The following PGAM1 variants were observed in gnomAD, a reference collection of about 807,000 sequenced individuals.
The protein encoded by PGAM1 is BPG-dependent PGAM 1.
Under a neutral mutation model 23.5 loss-of-function variants are expected in PGAM1, and 21 were observed. The ratio of observed to expected loss-of-function variants is 0.89; its 90% CI spans 0.63 to 1.29. PGAM1 has a LOEUF of 1.29. PGAM1 is among the 50% of genes most tolerant of loss of function. The pLI, the probability that PGAM1 is intolerant of heterozygous loss-of-function variation, is 0.00. For synonymous variants in PGAM1, 109 were observed against 128.6 expected (o/e 0.85, Z 1.03); for missense variants, 232 against 336.3 (o/e 0.69, Z 2.42).
rs1003255089 is a variant in PGAM1, at chr10:97,426,502, G to C, written c.139+56G>C. 92 of 1,501,254 alleles carry C rather than the reference G, an allele frequency of 6.1e-5. 1 individual carries two copies. The Middle Eastern group carries it at 7.2e-4, about 12-fold the overall frequency. 93.0% of individuals were successfully genotyped at this position (1,501,254 alleles called of 1,614,324 possible). A position where few individuals can be genotyped will look rare whatever the true frequency, so the allele number is the denominator to read the frequency against. On this transcript the variant is annotated intron_variant, in intron 1 of 3. Transcript: ENST00000334828. ...GGCCGGGTGTCCGGCCTCGGAGGCC[G>C]CCTGGCTGGCGTCTGCGCCCTCTCG...
At chr10:97,429,093 T>A (rs374195493) in intron 1 of PGAM1, among the ~76,000 whole-genome samples, 1 of 86,896 alleles carries the variant, frequency 1.2e-5, no homozygotes, top group Non-Finnish European at 2.2e-5. Flanking sequence ...GACTGATTCC[T>A]TTTTTTTTTT....
At chr10:97,427,948 G>A in intron 1 of PGAM1, 1 of 1,281,116 alleles carries the variant, frequency 7.8e-7, no homozygotes, top group African/African-American at 1.5e-5. Flanking sequence ...AACCTCTGCG[G>A]GGTGGGGTGG....
chr10:97,430,237 A>G (rs1308802050), intron 1 of PGAM1, 142 bp from the exon 2 acceptor site: 1 of 998,068 alleles, frequency 1.0e-6, no homozygotes, highest in East Asian at 2.4e-5. Flanking sequence ...GAGTGCAAGG[A>G]TAAACAAAAC....
chr10:97,427,049 T>C (rs1164080333), intron 1 of PGAM1: 2 of 152,868 alleles, frequency 1.3e-5, no homozygotes, highest in African/African-American at 4.9e-5. Flanking sequence ...AAAAAAATAA[T>C]AATAATAAGT....
chr10:97,427,813 C>T, intron 1 of PGAM1: 2 of 1,289,420 alleles, frequency 1.6e-6, no homozygotes, highest in Non-Finnish European at 2.0e-6. Flanking sequence ...GACAAAGAAG[C>T]AGCCATTCAC....
rs1224317771 is a variant in PGAM1 at position 97,432,370 on chromosome 10, C to T, written c.611C>T (p.Ala204Val). 4 of 1,612,022 alleles carry T rather than the reference C, an allele frequency of 2.5e-6. No individual in the cohort carries two copies. The highest frequency in any genetic ancestry group is 1.7e-5 in the Admixed American group (1 of 60,014). The part of the protein sequence containing the change: ...VKHLEGLSEE[A>V]IMELNLPTGI... ...ATGTTTTCAGGTCTCTCTGAAGAGG[C>T]TATCATGGAGCTGAACCTGCCGACT... is the stretch of plus-strand genomic sequence containing the variant. Residue 204 changes from alanine (A) to valine (V), a missense_variant, in exon 4 of 4, where the codon GCT becomes GTT. Physicochemically the swap from Ala to Val is moderately conservative, Grantham distance 64. This residue lies in a region of PGAM1 where 191 missense variants were observed against 241.7 expected (regional missense o/e 0.79). Transcript: ENST00000334828.
At chr10:97,430,819 A>C in intron 2 of PGAM1, 136 bp from the exon 3 acceptor site, 3 of 1,474,912 alleles carry the variant, frequency 2.0e-6, no homozygotes, top group South Asian at 2.3e-5. Flanking sequence ...ATAGTTTACT[A>C]TCTCCTTTTT....
rs553150179 is a variant in PGAM1 at position 97,426,385 on chromosome 10, C to A, written c.78C>A (p.Tyr26Ter). Reference protein sequence around the residue: ...WNLENRFSGWYDADLSPAGHE... With the variant: ...WNLENRFSGW ...TGGAGAACCGCTTCAGCGGCTGGTACGACGCCGACCTGAGCCCGGCGGGCC... is the reference window on the plus strand; with the variant it reads ...TGGAGAACCGCTTCAGCGGCTGGTAAGACGCCGACCTGAGCCCGGCGGGCC... The change falls in exon 1 of 4, where the codon TAC becomes TAA. Residue 26 changes from tyrosine (Y) to a stop codon, truncating the protein, a stop_gained. Transcript: ENST00000334828. LOFTEE classifies it high-confidence loss of function. 1.2e-6 allele frequency: 2 copies of A among 1,607,070 alleles called. No individual in the cohort carries two copies. Among genetic ancestry groups the A allele is most frequent in the South Asian group, 2.2e-5 (2 of 90,718 alleles).
rs1845488837 is a variant in PGAM1 at position 97,433,048 on chromosome 10, G to C, written c.*524G>C. On this transcript the variant is annotated 3_prime_UTR_variant, in exon 4 of 4. Transcript: ENST00000334828. ...CCCCAGAGGATCTGGCTCTAGGTTG[G>C]GATCAATCCTGAATTTCGTTATGTG... 6.4e-6 allele frequency: 1 copy of C among 155,752 alleles called. No individual in the cohort carries two copies. The highest frequency in any genetic ancestry group is 6.0e-5 in the Admixed American group (1 of 16,584). The allele number at this position is 155,752 out of a possible 1,614,324, so 9.6% of individuals were successfully genotyped here. A position where few individuals can be genotyped will look rare whatever the true frequency, so the allele number is the denominator to read the frequency against.
At chr10:97,432,305 G>T in intron 3 of PGAM1, 50 bp from the exon 4 acceptor site, 9 of 1,609,488 alleles carry the variant, frequency 5.6e-6, no homozygotes, top group Non-Finnish European at 7.6e-6. Context: ...AACCTGGAGG[G>T]GTGATGTGGA....
intron 1 of PGAM1, among the ~76,000 whole-genome samples, chr10:97,428,872 ATGAC>A (rs1214570887): frequency 6.6e-6 from 1 of 152,088 alleles, no homozygotes; most frequent in African/African-American, 2.4e-5. Flanking sequence ...TCTCATTTGA[ATGAC>A]TGGCAGAAAA....
At chr10:97,427,832 T>C (rs2133130164) in intron 1 of PGAM1, 3 of 1,289,456 alleles carry the variant, frequency 2.3e-6, no homozygotes, top group African/African-American at 1.5e-5. Flanking sequence ...ACAAGGGTCA[T>C]TGATGAGGCA....
chr10:97,429,394 G>T (rs759093889), intron 1 of PGAM1, among the ~76,000 whole-genome samples: 1 of 152,114 alleles, frequency 6.6e-6, no homozygotes, highest in Non-Finnish European at 1.5e-5. Context: ...GTGAGCCACC[G>T]TGCCGGGCCA....
Position 97,426,293 on chromosome 10 carries a change from C to G in PGAM1, c.-15C>G. On this transcript the variant is annotated 5_prime_UTR_variant, in exon 1 of 4. In the 5' UTR this introduces an upstream ATG that the reference lacks. Coordinates refer to ENST00000334828, the MANE Select transcript of PGAM1 (RefSeq NM_002629.4). ...CTGCTAATCCCAGTCGGTGCCGCAT[C>G]CCCAGCCCGCCGCCATGGCCGCCTA... is the stretch of plus-strand genomic sequence containing the variant. The G allele has an allele frequency of 6.2e-7, 1 of 1,609,890 alleles. No individual in the cohort carries two copies. The highest frequency in any genetic ancestry group is 8.5e-7 in the Non-Finnish European group (1 of 1,179,178).
intron 3 of PGAM1, among the ~76,000 whole-genome samples, chr10:97,432,060 T>C (rs2133133743): frequency 6.6e-6 from 1 of 152,310 alleles, no homozygotes; most frequent in South Asian, 2.1e-4. Context: ...TTGAGATGTG[T>C]AGTCTTGCTT....
chr10:97,427,242 C>G, intron 1 of PGAM1: 1 of 985,022 alleles, frequency 1.0e-6, no homozygotes, highest in Non-Finnish European at 1.2e-6. Flanking sequence ...GCCACACAGC[C>G]TCGTCCCCAG....
At position 97,430,540 on chromosome 10, in the gene PGAM1, G is replaced by A; in HGVS notation, c.301G>A (p.Ala101Thr). Residue 101 changes from alanine (A) to threonine (T), a missense_variant, in exon 2 of 4, where the codon GCA becomes ACA. Physicochemically the swap from Ala to Thr is moderately conservative, Grantham distance 58 (BLOSUM62 0). This residue lies in a region of PGAM1 where 191 missense variants were observed against 241.7 expected (regional missense o/e 0.79). Coordinates refer to ENST00000334828, the MANE Select transcript of PGAM1 (RefSeq NM_002629.4). ...HYGGLTGLNK[A>T]ETAAKHGEAQ... ...TGGGGGTCTAACCGGTCTCAATAAA[G>A]CAGAAACTGCTGCAAAGCATGGTGA... 6.2e-7 allele frequency: 1 copy of A among 1,600,880 alleles called. No individual in the cohort carries two copies. Among genetic ancestry groups the A allele is most frequent in the Non-Finnish European group, 8.5e-7 (1 of 1,179,866 alleles).
intron 1 of PGAM1, chr10:97,427,264 GGCCCT>G (rs1845421149): frequency 1.0e-6 from 1 of 986,402 alleles, no homozygotes; most frequent in African/African-American, 1.7e-5. Flanking sequence ...AGTAGGTGGA[GGCCCT>G]GGGGGTGCCT....
In PGAM1 at chr10:97,426,215, G is replaced by A; in HGVS notation, c.-93G>A. On this transcript the variant is annotated 5_prime_UTR_variant, in exon 1 of 4. Transcript: ENST00000334828. ...CGAGAACTTGCGCGGGAGCCGGACT[G>A]AGCGGTGCGAGCGCGCAGGCGCGGC... 6.3e-7 allele frequency: 1 copy of A among 1,582,404 alleles called. No homozygotes were observed. The highest frequency in any genetic ancestry group is 8.6e-7 in the Non-Finnish European group (1 of 1,157,064).
Sources: gnomAD v4.1 joint callset for allele counts (sites outside exome capture counted in the v4.1 genomes callset) on GRCh38, gnomAD v4.1.1 for gene constraint, gnomAD v4.1.1 regional missense constraint, MANE v1.5 for transcripts, NCBI Gene and HGNC (gene_info 2026-07-23, HGNC 2026-07-21) for gene names.